Variants in CYB561D2 observed in about 807,000 individuals in gnomAD.
The protein encoded by CYB561D2 is transmembrane reductase CYB561D2.
A neutral mutation model predicts 20.2 loss-of-function variants in CYB561D2; 16 were observed. The ratio of observed to expected loss-of-function variants is 0.79; its 90% confidence interval spans 0.53 to 1.20. CYB561D2 has a LOEUF of 1.20. Ranked by LOEUF, CYB561D2 falls within the 50% of genes most tolerant of loss-of-function variation. CYB561D2 has a pLI of 0.00. For missense variants in CYB561D2, 247 were observed against 270.3 expected, an observed-to-expected ratio of 0.91 and a Z score of 0.60; for synonymous variants, 135 against 128.3, an observed-to-expected ratio of 1.05 and a Z score of -0.35.
At position 50,350,885 on chromosome 3, in the gene CYB561D2, C is replaced by G; in HGVS notation, c.-125C>G. On this transcript the variant is annotated 5_prime_UTR_variant, in exon 1 of 4. Transcript: ENST00000425346. This position sits in a 1 kb window ranked among gnomAD's most constrained non-coding sequence, Gnocchi z 5.7. ...GTAGACGTCGCACCCGGAAGTAAAG[C>G]GGCTCCGTGACGGAGCGGCGGTGCG... The G allele has an allele frequency of 7.1e-7, 1 of 1,399,620 alleles. No homozygotes were observed. The highest frequency in any genetic ancestry group is 9.2e-7 in the Non-Finnish European group (1 of 1,082,770). The allele number at this position is 1,399,620 out of a possible 1,614,324, so 86.7% of individuals were successfully genotyped here. A position where few individuals can be genotyped will look rare whatever the true frequency, so the allele number is the denominator to read the frequency against.
rs143506264 is a variant in CYB561D2, at chr3:50,353,495, G to A, written c.420G>A (p.Gly140=). The A allele has an allele frequency of 1.0e-3, 1,650 of 1,613,420 alleles. 15 individuals are homozygous for A. The African/African-American group carries it at 0.018, about 17-fold the overall frequency. The stretch of plus-strand genomic sequence containing the variant: ...GGCTGCAGTGCTCAGGTGGGGTGGG[G>A]CTGCTCTACCCCAAGCTGCTGCCCC... ...WAGLQCSGGV[G]LLYPKLLPRW... The change falls in exon 4 of 4, where the codon GGG becomes GGA. Residue 140 remains glycine (G), a synonymous_variant. Coordinates refer to ENST00000425346, the MANE Select transcript of CYB561D2 (RefSeq NM_001291284.2).
intron 3 of CYB561D2, 34 bp from the exon 4 acceptor site, chr3:50,353,207 C>T: frequency 6.5e-7 from 1 of 1,531,234 alleles, no homozygotes; most frequent in Non-Finnish European, 8.8e-7. Flanking sequence ...GGGGCAGCAC[C>T]CTCACTTGAG....
At position 50,351,995 on chromosome 3, in the gene CYB561D2, T is replaced by G. The variant is rs1279177786; in HGVS notation, c.128-14T>G. ...CTTGCCTCAGCCCCATGAGGCCTCC[T>G]CTTCTCATTCCAGGCCTGTTCTCCT... On this transcript the variant is annotated splice_polypyrimidine_tract_variant and intron_variant, in intron 2 of 3. Coordinates refer to ENST00000425346, the MANE Select transcript of CYB561D2 (RefSeq NM_001291284.2). 6.2e-7 allele frequency: 1 copy of G among 1,613,920 alleles called. No homozygotes were observed. The highest frequency in any genetic ancestry group is 2.2e-5 in the East Asian group (1 of 44,876).
intron 2 of CYB561D2, 90 bp downstream of exon 2, chr3:50,351,650 C>A: frequency 6.6e-7 from 1 of 1,524,100 alleles, no homozygotes; most frequent in Non-Finnish European, 8.9e-7. Context: ...ACAGGCCTGG[C>A]TGGTTGAGGG....
At position 50,353,228 on chromosome 3, in the gene CYB561D2, C is replaced by T. The variant is rs751123002; in HGVS notation, c.166-13C>T. ...GCACCCTCACTTGAGCTTCCCATCC[C>T]CTGTTTCCTCAGTTCTCCTTCCTGA... On this transcript the variant is annotated splice_polypyrimidine_tract_variant and intron_variant, in intron 3 of 3. Transcript: ENST00000425346. 1.3e-6 allele frequency: 2 copies of T among 1,543,238 alleles called. No individual in the cohort carries two copies. Among genetic ancestry groups the T allele is most frequent in the Non-Finnish European group, 1.8e-6 (2 of 1,140,018 alleles).
At chr3:50,351,119 T>C in intron 1 of CYB561D2, 135 bp downstream of exon 1, 1 of 447,224 alleles carries the variant, frequency 2.2e-6, no homozygotes, top group Non-Finnish European at 3.8e-6. Flanking sequence ...CAGCTGGCTC[T>C]ACTGCCGGCG....
chr3:50,351,642 A>G, intron 2 of CYB561D2, 82 bp downstream of exon 2: 1 of 1,541,170 alleles, frequency 6.5e-7, no homozygotes, highest in Non-Finnish European at 8.8e-7. Flanking sequence ...TTCCGGGAAC[A>G]GGCCTGGCTG....
intron 1 of CYB561D2, 30 bp from the exon 2 acceptor site, chr3:50,351,379 A>C: frequency 6.3e-7 from 1 of 1,590,266 alleles, no homozygotes; most frequent in Admixed American, 1.7e-5. Context: ...TGGGCACCTG[A>C]GATCCTGGCC....
At chr3:50,351,705 G>C in intron 2 of CYB561D2, 145 bp downstream of exon 2, 2 of 1,233,996 alleles carry the variant, frequency 1.6e-6, no homozygotes, top group East Asian at 4.8e-5. Context: ...GGTAGGTATG[G>C]CCAGGGCACA....
Position 50,353,715 on chromosome 3 carries a change from T to G in CYB561D2, c.640T>G (p.Tyr214Asp). 6.2e-7 allele frequency: 1 copy of G among 1,607,870 alleles called. No homozygotes were observed. Among genetic ancestry groups the G allele is most frequent in the Non-Finnish European group, 8.5e-7 (1 of 1,176,438 alleles). ...CATTATGAACCAGGTGAGCAATGCC[T>G]ACCTATACCGCAAGAGGATCCAACC... Reference protein sequence around the residue: ...LVIMNQVSNAYLYRKRIQP With the variant: ...LVIMNQVSNADLYRKRIQP Residue 214 changes from tyrosine (Y) to aspartate (D), a missense_variant, in exon 4 of 4, where the codon TAC becomes GAC. Tyr to Asp is a radical substitution (Grantham distance 160). Transcript: ENST00000425346.
intron 3 of CYB561D2, 26 bp from the exon 4 acceptor site, chr3:50,353,215 G>C: frequency 6.5e-7 from 1 of 1,535,248 alleles, no homozygotes. Context: ...ACCCTCACTT[G>C]AGCTTCCCAT....
In CYB561D2 at chr3:50,353,249, C is replaced by T. The variant is rs148266713; in HGVS notation, c.174C>T (p.Phe58=). 84 of 1,560,550 alleles carry T rather than the reference C, an allele frequency of 5.4e-5. No homozygotes were observed. In the African/African-American group the frequency reaches 1.1e-3, roughly 20 times the overall value. Residue 58 remains phenylalanine, a synonymous_variant, in exon 4 of 4, where the codon TTC becomes TTT. Coordinates refer to ENST00000425346, the MANE Select transcript of CYB561D2 (RefSeq NM_001291284.2). ...ATCCCCTGTTTCCTCAGTTCTCCTT[C>T]CTGATGACCGAGGCACTACTGGTGT... ...HPVLMSLAFS[F]LMTEALLVFS...
intron 3 of CYB561D2, among the ~76,000 whole-genome samples, chr3:50,352,395 G>C (rs961818169): frequency 6.6e-6 from 1 of 151,066 alleles, no homozygotes; most frequent in Non-Finnish European, 1.5e-5. Flanking sequence ...CAGGAGAATC[G>C]CATGAACCCA....
chr3:50,353,055 G>A (rs1483995407), intron 3 of CYB561D2, among the ~76,000 whole-genome samples, 186 bp from the exon 4 acceptor site: 1 of 152,144 alleles, frequency 6.6e-6, no homozygotes, highest in Non-Finnish European at 1.5e-5. Flanking sequence ...ATTATTCAGG[G>A]CACATATATC....
rs904869120 is a variant in CYB561D2, at chr3:50,353,106, T to TA, written c.166-134dup. On this transcript the variant is annotated intron_variant, in intron 3 of 3. Transcript: ENST00000425346. Reference sequence around the variant, plus strand: ...TTCCACTCTTGCCCCACCAAATGGATAGTCTTGTCAGTGGGGAGAGAAAGA... The same window carrying TA: ...TTCCACTCTTGCCCCACCAAATGGATAAGTCTTGTCAGTGGGGAGAGAAAGA... 5 of 1,289,118 alleles carry TA rather than the reference T, an allele frequency of 3.9e-6. No homozygotes were observed. The African/African-American group carries it at 7.4e-5, about 19-fold the overall frequency. 79.9% of individuals were successfully genotyped at this position (1,289,118 alleles called of 1,614,324 possible).
intron 1 of CYB561D2, 66 bp from the exon 2 acceptor site, chr3:50,351,343 C>G (rs1703753313): frequency 6.6e-7 from 1 of 1,520,426 alleles, no homozygotes; most frequent in African/African-American, 1.4e-5. Flanking sequence ...TGCCTTGCAG[C>G]CTTTTCTCCA....
intron 3 of CYB561D2, among the ~76,000 whole-genome samples, chr3:50,352,416 G>A (rs1474748597): frequency 6.7e-6 from 1 of 150,316 alleles, no homozygotes; most frequent in Non-Finnish European, 1.5e-5. Context: ...GGAGACGGAG[G>A]TTGCAGTGAG....
chr3:50,353,596 T>C lies in CYB561D2; in HGVS notation c.521T>C (p.Leu174Pro). Residue 174 changes from leucine (L) to proline (P), a missense_variant, in exon 4 of 4, where the codon CTC becomes CCC. By Grantham distance (98) the Leu-to-Pro change is moderately conservative. Coordinates refer to ENST00000425346, the MANE Select transcript of CYB561D2 (RefSeq NM_001291284.2). ...LVGYLLGSASLLLGMCSLWFT... is the reference protein window; with the variant it reads ...LVGYLLGSASPLLGMCSLWFT... ...GGCTACCTGCTGGGTAGTGCCAGCC[T>C]CTTGCTGGGCATGTGCTCACTCTGG... 6.2e-7 allele frequency: 1 copy of C among 1,613,760 alleles called. No individual in the cohort carries two copies. Among genetic ancestry groups the C allele is most frequent in the Non-Finnish European group, 8.5e-7 (1 of 1,180,016 alleles).
intron 3 of CYB561D2, among the ~76,000 whole-genome samples, chr3:50,352,895 G>A (rs910591885): frequency 2.6e-5 from 4 of 152,114 alleles, no homozygotes; most frequent in Admixed American, 2.0e-4. Flanking sequence ...CACCCATGTG[G>A]CCAGCTCTTG....
Sources: gnomAD v4.1 joint callset for allele counts (sites outside exome capture counted in the v4.1 genomes callset) on GRCh38, gnomAD v4.1.1 for gene constraint, Gnocchi (gnomAD v3.1) non-coding constraint, MANE v1.5 for transcripts, NCBI Gene and HGNC (gene_info 2026-07-23, HGNC 2026-07-21) for gene names.